Variants in DCHS2 observed in about 807,000 individuals in gnomAD.
The protein encoded by DCHS2 is protocadherin-23.
A neutral mutation model predicts 182.4 loss-of-function variants in DCHS2; 142 were observed. That is an observed-to-expected ratio of 0.78 (90% CI 0.68 to 0.89). The LOEUF is 0.89. DCHS2 is among the 40% of genes least tolerant of loss of function. The probability of loss-of-function intolerance (pLI) is 0.00; values close to 1 mark genes in which losing one functional copy is unlikely to be tolerated. For synonymous variants in DCHS2, 1,740 were observed against 1,663.3 expected, an observed-to-expected ratio of 1.05 and a Z score of -1.12; for missense variants, 4,319 against 4,198.6, an observed-to-expected ratio of 1.03 and a Z score of -0.79.
Position 154,423,325 on chromosome 4 carries a change from T to C in DCHS2, c.2053-45881A>G, listed in dbSNP as rs560976338. Among the ~76,000 whole-genome samples, 79 of 152,350 alleles carry C rather than the reference T, an allele frequency of 5.2e-4. 1 individual carries two copies. Among genetic ancestry groups the C allele is most frequent in the Non-Finnish European group, 8.5e-4 (58 of 68,032 alleles). On this transcript the variant is annotated intron_variant, in intron 1 of 19. Transcript: ENST00000357232. Reference sequence around the variant, plus strand: ...TGATATGTGGTCCTTTGTGACCAGTTTCTTTCCTAGAACATAATGTTTTCA... The same window carrying C: ...TGATATGTGGTCCTTTGTGACCAGTCTCTTTCCTAGAACATAATGTTTTCA...
chr4:154,386,048 A>G (rs1188914646), intron 1 of DCHS2, among the ~76,000 whole-genome samples: 2 of 150,784 alleles, frequency 1.3e-5, no homozygotes, highest in Non-Finnish European at 3.0e-5. Context: ...TTCCCACCCC[A>G]CTCCACCCCA....
intron 1 of DCHS2, among the ~76,000 whole-genome samples, chr4:154,478,925 C>T (rs994496847): frequency 4.6e-5 from 7 of 151,918 alleles, no homozygotes; most frequent in Admixed American, 2.0e-4. Context: ...ACACAATGTC[C>T]GGAATACAAG....
intron 1 of DCHS2, among the ~76,000 whole-genome samples, chr4:154,388,171 G>C (rs76410096): frequency 6.6e-6 from 1 of 151,934 alleles, no homozygotes; most frequent in Non-Finnish European, 1.5e-5. Flanking sequence ...ATATAATGTG[G>C]CATTATTTAT....
intron 1 of DCHS2, among the ~76,000 whole-genome samples, chr4:154,478,540 G>T (rs1414367848): frequency 6.6e-6 from 1 of 152,148 alleles, no homozygotes; most frequent in Non-Finnish European, 1.5e-5. Context: ...AAGGCACCAT[G>T]CAGGGTGGTT....
At chr4:154,353,844 T>C (rs926550821) in intron 3 of DCHS2, among the ~76,000 whole-genome samples, 3 of 152,218 alleles carry the variant, frequency 2.0e-5, no homozygotes, top group Non-Finnish European at 4.4e-5. Context: ...ATTTTTAGAT[T>C]TGGGAAAGGA....
chr4:154,315,970 A>T lies in DCHS2; in HGVS notation c.5038T>A (p.Cys1680Ser). The change falls in exon 10 of 20, where the codon TGT (cysteine) becomes AGT (serine). Residue 1680 changes from cysteine (C) to serine (S), a missense_variant. Physicochemically the swap from Cys to Ser is moderately radical, Grantham distance 112 (BLOSUM62 -1). Coordinates refer to ENST00000357232, the MANE Select transcript of DCHS2 (RefSeq NM_001358235.2). ...DESSGLLTTT[C>S]PLDYEMKTQH... ...GTTTTCATTTCATAATCCAAAGGAC[A>T]GGTTGTGGTTAGTAAGCCTGTTTTG... 1 of 1,614,054 alleles carries T rather than the reference A, an allele frequency of 6.2e-7. No homozygotes were observed. The highest frequency in any genetic ancestry group is 2.2e-5 in the East Asian group (1 of 44,866).
chr4:154,295,580 G>A (rs1267632872), intron 13 of DCHS2, among the ~76,000 whole-genome samples: 1 of 152,190 alleles, frequency 6.6e-6, no homozygotes, highest in Non-Finnish European at 1.5e-5. Context: ...GTTCATTGTT[G>A]TAATATAATT....
chr4:154,237,073 G>T lies in DCHS2; in HGVS notation c.7579C>A (p.Pro2527Thr). 2 of 1,613,856 alleles carry T rather than the reference G, an allele frequency of 1.2e-6. No individual in the cohort carries two copies. The highest frequency in any genetic ancestry group is 1.7e-6 in the Non-Finnish European group (2 of 1,179,894). ...FLVEASDGGN[P>T]DLRALTLVEI... ...ACTAAAGTAAGAGCTCTCAGGTCAGGATTTCCACCATCACTGGCTTCCACA... is the reference window on the plus strand; with the variant it reads ...ACTAAAGTAAGAGCTCTCAGGTCAGTATTTCCACCATCACTGGCTTCCACA... Residue 2527 changes from proline (P) to threonine (T), a missense_variant, in exon 20 of 20, where the codon CCT (proline) becomes ACT (threonine). By Grantham distance (38) the Pro-to-Thr change is conservative (BLOSUM62 -1). Transcript: ENST00000357232.
intron 1 of DCHS2, among the ~76,000 whole-genome samples, chr4:154,479,057 T>C (rs1257171783): frequency 6.6e-6 from 1 of 152,130 alleles, no homozygotes; most frequent in Non-Finnish European, 1.5e-5. Flanking sequence ...GCAGCTATTA[T>C]AGTTATATGA....
intron 1 of DCHS2, among the ~76,000 whole-genome samples, chr4:154,417,713 G>T (rs911956653): frequency 5.3e-5 from 8 of 152,166 alleles, no homozygotes; most frequent in African/African-American, 1.9e-4. Flanking sequence ...GGGGAAAAAA[G>T]TGTCCTGGTT....
rs759526136 is a variant in DCHS2, at chr4:154,234,844, CTT to C, written c.9806_9807del (p.Lys3269ArgfsTer21). ...GGTGGAAAAACAAAAGATTTCTTCT[CTT>C]TTGGAATGCCAGGCATATGCAAATG... Reference protein sequence around the residue: ...DEHLHMPGIPKEKKSFVFPPP... With the variant: ...DEHLHMPGIPXEKKSFVFPPP... On this transcript the variant is annotated frameshift_variant, in exon 20 of 20. Coordinates refer to ENST00000357232, the MANE Select transcript of DCHS2 (RefSeq NM_001358235.2). LOFTEE classifies it low-confidence loss of function (END_TRUNC). The C allele has an allele frequency of 3.7e-6, 6 of 1,614,040 alleles. No homozygotes were observed. In the South Asian group the frequency reaches 6.6e-5, roughly 18 times the overall value.
At chr4:154,280,885 C>T (rs6814876) in intron 13 of DCHS2, among the ~76,000 whole-genome samples, 67,758 of 150,722 alleles carry the variant, frequency 0.45, 15,392 homozygotes, top group Admixed American at 0.51. Context: ...TAGAGTGCAA[C>T]GGCATGATCT....
At chr4:154,479,258 C>T (rs900374510) in intron 1 of DCHS2, among the ~76,000 whole-genome samples, 3 of 152,008 alleles carry the variant, frequency 2.0e-5, no homozygotes, top group African/African-American at 7.2e-5. Flanking sequence ...TACAAGCCAT[C>T]TGATCTGAAG....
Position 154,490,545 on chromosome 4 carries a change from C to T in DCHS2, c.811G>A (p.Gly271Ser), listed in dbSNP as rs1046254484. Residue 271 changes from glycine to serine, a missense_variant, in exon 1 of 20, where the codon GGC becomes AGC. Transcript: ENST00000357232. ...AGGCCGGTGCGCCGGGGTCGGCCGCCGTCCCATGCCTCGATCTGCAGCCGG... is the reference window on the plus strand; with the variant it reads ...AGGCCGGTGCGCCGGGGTCGGCCGCTGTCCCATGCCTCGATCTGCAGCCGG... ...AHRLQIEAWD[G>S]GRPRRTGLLS... is the part of the protein sequence containing the mutation. 5 of 1,540,050 alleles carry T rather than the reference C, an allele frequency of 3.2e-6. No individual in the cohort carries two copies. The highest frequency in any genetic ancestry group is 4.4e-6 in the Non-Finnish European group (5 of 1,146,234).
At position 154,333,014 on chromosome 4, in the gene DCHS2, G is replaced by GCTGC. The variant is rs750353319; in HGVS notation, c.3190_3193dup (p.Ala1065GlyfsTer32). 64 of 1,614,160 alleles carry GCTGC rather than the reference G, an allele frequency of 4.0e-5. No homozygotes were observed. In the African/African-American group the frequency reaches 8.0e-4, roughly 20 times the overall value. The stretch of plus-strand genomic sequence containing the variant: ...GATAACGACTGTCAGCACCAGCAGG[G>GCTGC]CTGCCTGAGGATGCACGCCTTGGTC... On this transcript the variant is annotated frameshift_variant, in exon 5 of 20. Transcript: ENST00000357232. LOFTEE classifies it high-confidence loss of function.
intron 1 of DCHS2, among the ~76,000 whole-genome samples, chr4:154,410,574 CAAAAAAAAAAA>C (rs1160670540): frequency 2.8e-5 from 1 of 35,364 alleles, no homozygotes; most frequent in African/African-American, 1.0e-4. Flanking sequence ...GACTCCATCT[CAAAAAAAAAAA>C]AAAAAAAAAA....
Position 154,298,315 on chromosome 4 carries a change from C to T in DCHS2, c.5999G>A (p.Arg2000Lys), listed in dbSNP as rs149550434. The T allele has an allele frequency of 6.6e-4, 1,069 of 1,614,206 alleles. 1 individual carries two copies. Among genetic ancestry groups the T allele is most frequent in the Non-Finnish European group, 7.9e-4 (934 of 1,180,018 alleles). The change falls in exon 13 of 20, where the codon AGA becomes AAA. Residue 2000 changes from arginine to lysine, a missense_variant. Arg to Lys is a conservative substitution (Grantham distance 26, BLOSUM62 2). Transcript: ENST00000357232. ...KTSNTLDREA[R>K]SQHTFSAVAR... is the part of the protein sequence containing the mutation. ...CACAGCACTAAATGTATGCTGAGAT[C>T]TGGCTTCACGGTCGAGGGTGTTGCT...
Position 154,259,599 on chromosome 4 carries a change from G to T in DCHS2, c.6735C>A (p.Ser2245Arg). 1 of 1,613,780 alleles carries T rather than the reference G, an allele frequency of 6.2e-7. No homozygotes were observed. The highest frequency in any genetic ancestry group is 8.5e-7 in the Non-Finnish European group (1 of 1,179,960). The change falls in exon 15 of 20, where the codon AGC becomes AGA. Residue 2245 changes from serine to arginine, a missense_variant. Physicochemically the swap from Ser to Arg is moderately radical, Grantham distance 110. Transcript: ENST00000357232. ...TTTCAGACACTGATGCCTGGTAAAT[G>T]CTTTGTTCAAAGCATGGTGAATTAT... ...ENDNSPCFEQ[S>R]IYQASVSESQ...
chr4:154,441,495 G>T (rs1734008606), intron 1 of DCHS2, among the ~76,000 whole-genome samples: 1 of 151,974 alleles, frequency 6.6e-6, no homozygotes, highest in Non-Finnish European at 1.5e-5. Flanking sequence ...ACTGAAAATT[G>T]GTAAAGCTCT....
Sources: allele counts gnomAD v4.1 joint callset (sites outside exome capture counted in the v4.1 genomes callset), GRCh38; gene constraint gnomAD v4.1.1; transcripts MANE v1.5; gene names NCBI Gene and HGNC (gene_info 2026-07-23, HGNC 2026-07-21).